Variants in AVEN observed in about 807,000 individuals in gnomAD.
AVEN encodes cell death regulator Aven.
A neutral mutation model predicts 38.1 loss-of-function variants in AVEN; 41 were observed. The ratio of observed to expected loss-of-function variants is 1.08; its 90% confidence interval spans 0.84 to 1.40. AVEN has a LOEUF of 1.40. Among genes scored for constraint, AVEN ranks in the 40% most tolerant of loss-of-function variants. The pLI, the probability that AVEN is intolerant of heterozygous loss-of-function variation, is 0.00. For synonymous variants in AVEN, 206 were observed against 171.8 expected (o/e 1.20, Z -1.56); for missense variants, 605 against 438.8 (o/e 1.38, Z -3.38).
At chr15:34,015,768 C>T (rs1897876140) in intron 1 of AVEN, among the ~76,000 whole-genome samples, 1 of 152,204 alleles carries the variant, frequency 6.6e-6, no homozygotes, top group South Asian at 2.1e-4. Flanking sequence ...ATCTTCACTC[C>T]ATCCCTTTCC....
chr15:33,880,290 G>A (rs1266725967), intron 2 of AVEN, among the ~76,000 whole-genome samples: 1 of 151,964 alleles, frequency 6.6e-6, no homozygotes, highest in Non-Finnish European at 1.5e-5. Context: ...CAAACAAGGA[G>A]GTCAGGGTAA....
intron 2 of AVEN, among the ~76,000 whole-genome samples, chr15:33,979,498 C>A (rs1013944715): frequency 3.3e-5 from 5 of 152,162 alleles, no homozygotes; most frequent in African/African-American, 1.2e-4. Context: ...AACAAGCAAG[C>A]AAATAAAACT....
At chr15:33,855,324 C>T (rs1474647180), downstream of AVEN, among the ~76,000 whole-genome samples, 1 of 152,198 alleles carries the variant, frequency 6.6e-6, no homozygotes, top group Non-Finnish European at 1.5e-5. Context: ...CTGCCTCAGC[C>T]TCCAGAGTAG....
At chr15:33,864,462 A>G (rs775276760), downstream of AVEN, among the ~76,000 whole-genome samples, 2 of 152,196 alleles carry the variant, frequency 1.3e-5, no homozygotes, top group Admixed American at 6.5e-5. Flanking sequence ...GAAATAAGAA[A>G]TTGTCTGACA....
chr15:34,034,130 CA>C (rs1898997887), intron 1 of AVEN, among the ~76,000 whole-genome samples: 1 of 152,134 alleles, frequency 6.6e-6, no homozygotes, highest in South Asian at 2.1e-4. Flanking sequence ...AGGCAAATAT[CA>C]AATCACTCTA....
intron 1 of AVEN, among the ~76,000 whole-genome samples, chr15:34,034,550 C>A (rs1597375319): frequency 6.6e-6 from 1 of 151,344 alleles, no homozygotes; most frequent in Non-Finnish European, 1.5e-5. Context: ...TTTTGAAATT[C>A]TCTGATCCAT....
intron 2 of AVEN, among the ~76,000 whole-genome samples, chr15:33,990,332 A>C (rs145947987): frequency 5.6e-4 from 85 of 152,142 alleles, no homozygotes; most frequent in Non-Finnish European, 1.1e-3. Context: ...CAGTGAGCCG[A>C]GATCACGCCA....
chr15:33,941,723 T>TA (rs555028071), intron 2 of AVEN, among the ~76,000 whole-genome samples: 20 of 151,590 alleles, frequency 1.3e-4, no homozygotes, highest in Non-Finnish European at 2.5e-4. Context: ...GAAAATCTAT[T>TA]AAAAACAAAA....
At chr15:34,040,144 C>G (rs964089218), upstream of AVEN, among the ~76,000 whole-genome samples, 1 of 152,018 alleles carries the variant, frequency 6.6e-6, no homozygotes, top group Non-Finnish European at 1.5e-5. Flanking sequence ...AGGCACAGTG[C>G]TATGTCCTGA....
At chr15:33,853,639 C>T in the AVEN span, 1 of 1,613,886 alleles carries the variant, frequency 6.2e-7, no homozygotes, top group Non-Finnish European at 8.5e-7. Context: ...TGACTTTAGC[C>T]CAGTAGAAGA....
intron 1 of AVEN, among the ~76,000 whole-genome samples, chr15:34,037,379 G>A (rs1024000707): frequency 1.3e-5 from 2 of 151,756 alleles, no homozygotes; most frequent in Admixed American, 1.3e-4. Flanking sequence ...TTGACTCAAG[G>A]GCAGCTTGAT....
chr15:34,016,748 G>A (rs1041880511), intron 1 of AVEN, among the ~76,000 whole-genome samples: 5 of 152,258 alleles, frequency 3.3e-5, no homozygotes, highest in African/African-American at 9.6e-5. Context: ...CAGCGTAACC[G>A]TTTGGTCAAA....
intron 2 of AVEN, among the ~76,000 whole-genome samples, chr15:33,948,118 G>C (rs1555509441): frequency 7.3e-6 from 1 of 137,760 alleles, no homozygotes; most frequent in Non-Finnish European, 1.5e-5. Flanking sequence ...TTTTTTTTGA[G>C]ATGGAGTCTC....
At chr15:34,015,277 A>C (rs1897838956) in intron 1 of AVEN, among the ~76,000 whole-genome samples, 1 of 152,096 alleles carries the variant, frequency 6.6e-6, no homozygotes, top group African/African-American at 2.4e-5. Flanking sequence ...AGGTCAGGAG[A>C]TCGAGACCAT....
chr15:33,861,001 T>G (rs896360347), intron 11 of AVEN: 4 of 1,128,754 alleles, frequency 3.5e-6, no homozygotes, highest in East Asian at 5.2e-5. Context: ...ATCCTTCAAT[T>G]CGATAGAATC....
intron 1 of AVEN, among the ~76,000 whole-genome samples, chr15:34,010,460 A>AT (rs1897589497): frequency 6.6e-6 from 1 of 152,174 alleles, no homozygotes; most frequent in Non-Finnish European, 1.5e-5. Context: ...AACAGATCCT[A>AT]TTTAAAGCCT....
intron 4 of AVEN, 70 bp from the exon 5 acceptor site, chr15:33,867,925 G>T: frequency 6.7e-7 from 1 of 1,493,670 alleles, no homozygotes; most frequent in Non-Finnish European, 8.9e-7. Flanking sequence ...AAATACATAG[G>T]AGGCTAAACG....
downstream of AVEN, among the ~76,000 whole-genome samples, chr15:33,861,896 T>A (rs561616146): frequency 3.9e-5 from 6 of 152,254 alleles, no homozygotes; most frequent in East Asian, 9.7e-4. Context: ...GTGCTAGGAT[T>A]ACAGGTGTGA....
At chr15:34,034,913 G>C (rs1054144462) in intron 1 of AVEN, among the ~76,000 whole-genome samples, 1 of 152,152 alleles carries the variant, frequency 6.6e-6, no homozygotes, top group Non-Finnish European at 1.5e-5. Context: ...AAGTCTAGAG[G>C]CTGTCATTTC....
Sources: allele counts gnomAD v4.1 joint callset (sites outside exome capture counted in the v4.1 genomes callset), GRCh38; gene constraint gnomAD v4.1.1; transcripts MANE v1.5; gene names NCBI Gene and HGNC (gene_info 2026-07-23, HGNC 2026-07-21).